NHEJ1: variants seen among roughly 807,000 people sequenced by gnomAD.
NHEJ1 encodes the protein non-homologous end-joining factor 1.
In NHEJ1, 22 loss-of-function variants were observed where a neutral mutation model predicts 39.4. That is an observed-to-expected ratio of 0.56 (90% confidence interval 0.40 to 0.80). The LOEUF (loss-of-function observed/expected upper bound fraction) is 0.80. Among genes scored for constraint, NHEJ1 ranks in the 30% least tolerant of loss-of-function variants. The probability of loss-of-function intolerance (pLI) is 0.00; values close to 1 mark genes in which losing one functional copy is unlikely to be tolerated. For synonymous variants in NHEJ1, 154 were observed against 135.6 expected (o/e 1.14, Z -0.94); for missense variants, 329 against 357.1 (o/e 0.92, Z 0.63).
rs557843478 is a variant in NHEJ1 at position 219,105,187 on chromosome 2, C to A, written c.589-26981G>T. On this transcript the variant is annotated intron_variant, in intron 5 of 7. Transcript: ENST00000356853. ...TATATTATAAAATAAAAATAACACACCTCATAATCTTCCAGTAACATAGGG... is the reference window on the plus strand; with the variant it reads ...TATATTATAAAATAAAAATAACACAACTCATAATCTTCCAGTAACATAGGG... Among the ~76,000 whole-genome samples the A allele has an allele frequency of 2.6e-4, 40 of 152,230 alleles. 1 individual carries two copies. The highest frequency in any genetic ancestry group is 8.9e-4 in the African/African-American group (37 of 41,524).
At chr2:219,102,171 A>G (rs1478027921) in intron 5 of NHEJ1, among the ~76,000 whole-genome samples, 2 of 152,198 alleles carry the variant, frequency 1.3e-5, no homozygotes, top group Non-Finnish European at 2.9e-5. Context: ...TAATAATTTT[A>G]TAGAGTACAT....
intron 3 of NHEJ1, among the ~76,000 whole-genome samples, chr2:219,152,076 T>C (rs1257297211): frequency 6.6e-6 from 1 of 152,148 alleles, no homozygotes; most frequent in Non-Finnish European, 1.5e-5. Flanking sequence ...CTCCCCGTAA[T>C]TTATAGACAG....
intron 5 of NHEJ1, among the ~76,000 whole-genome samples, chr2:219,084,163 C>G (rs547940748): frequency 3.9e-5 from 6 of 152,108 alleles, no homozygotes; most frequent in African/African-American, 1.4e-4. Flanking sequence ...CCTGCCACCA[C>G]GCCTGGCTAA....
At chr2:219,113,451 T>C (rs917796148) in intron 5 of NHEJ1, among the ~76,000 whole-genome samples, 1 of 152,190 alleles carries the variant, frequency 6.6e-6, no homozygotes, top group Non-Finnish European at 1.5e-5. Flanking sequence ...AATATATATA[T>C]GTATTTTTTG....
intron 5 of NHEJ1, among the ~76,000 whole-genome samples, chr2:219,121,490 T>G (rs950764718): frequency 2.0e-5 from 3 of 152,190 alleles, no homozygotes; most frequent in Non-Finnish European, 4.4e-5. Context: ...TTTATTATTG[T>G]TCTGATTTTT....
At chr2:219,081,383 G>A (rs116466060) in intron 5 of NHEJ1, among the ~76,000 whole-genome samples, 2,131 of 152,288 alleles carry the variant, frequency 0.014, 59 homozygotes, top group South Asian at 0.09. Context: ...CCTGCTATAA[G>A]TGCGACTGAG....
intron 5 of NHEJ1, among the ~76,000 whole-genome samples, chr2:219,103,849 T>C (rs978727380): frequency 4.6e-5 from 7 of 152,200 alleles, no homozygotes; most frequent in African/African-American, 1.7e-4. Flanking sequence ...CACCAGACTC[T>C]GGAGTCCCCA....
At chr2:219,082,447 G>A (rs1394930588) in intron 5 of NHEJ1, among the ~76,000 whole-genome samples, 1 of 152,214 alleles carries the variant, frequency 6.6e-6, no homozygotes, top group East Asian at 1.9e-4. Flanking sequence ...ATTTGCTGGA[G>A]AGCTTCCAAT....
Position 219,074,116 on chromosome 2 carries a change from C to T in NHEJ1, c.*2265G>A, listed in dbSNP as rs1427357764. 6.6e-6 allele frequency among the ~76,000 whole-genome samples: 1 copy of T among 152,232 alleles called. No homozygotes were observed. Among genetic ancestry groups the T allele is most frequent in the Non-Finnish European group, 1.5e-5 (1 of 68,036 alleles). On this transcript the variant is annotated 3_prime_UTR_variant, in exon 8 of 8. Transcript: ENST00000356853. ...ATGTTTCTCTAACAACGTATTTAAG[C>T]AATACCCCAATGGAGACAGCAACCT... is the stretch of plus-strand genomic sequence containing the variant.
At chr2:219,143,079 T>C (rs1949706604) in intron 5 of NHEJ1, among the ~76,000 whole-genome samples, 1 of 152,166 alleles carries the variant, frequency 6.6e-6, no homozygotes, top group Admixed American at 6.5e-5. Context: ...ATAATCCCAA[T>C]GAGAATTTTA....
At chr2:219,122,450 G>C (rs1416435370) in intron 5 of NHEJ1, among the ~76,000 whole-genome samples, 2 of 152,168 alleles carry the variant, frequency 1.3e-5, no homozygotes, top group African/African-American at 4.8e-5. Context: ...CCTTGGCACA[G>C]TAAGTACTTA....
chr2:219,078,292 C>A (rs751843845), intron 5 of NHEJ1, 86 bp from the exon 6 acceptor site: 31 of 1,133,610 alleles, frequency 2.7e-5, no homozygotes, highest in Admixed American at 1.0e-4. Context: ...CCGGCATCAA[C>A]CCCAAATGAA....
rs777990702 is a variant in NHEJ1, at chr2:219,076,284, A to G, written c.*97T>C. On this transcript the variant is annotated 3_prime_UTR_variant, in exon 8 of 8. Transcript: ENST00000356853. Reference sequence around the variant, plus strand: ...CTTACAGGAGGCCTCTGACTGTATCACTATTTTAGAAATATTGCTGCCATG... The same window carrying G: ...CTTACAGGAGGCCTCTGACTGTATCGCTATTTTAGAAATATTGCTGCCATG... The G allele has an allele frequency of 6.2e-7, 1 of 1,607,996 alleles. No homozygotes were observed. Among genetic ancestry groups the G allele is most frequent in the South Asian group, 1.1e-5 (1 of 90,036 alleles).
intron 5 of NHEJ1, among the ~76,000 whole-genome samples, chr2:219,099,939 A>G (rs1353274883): frequency 6.6e-6 from 1 of 152,236 alleles, no homozygotes; most frequent in Non-Finnish European, 1.5e-5. Context: ...AAAAGAGGAC[A>G]GAATGGGGAA....
At chr2:219,081,639 T>C (rs73991018) in intron 5 of NHEJ1, among the ~76,000 whole-genome samples, 4,799 of 152,298 alleles carry the variant, frequency 0.032, 267 homozygotes, top group African/African-American at 0.11. Context: ...AACTCAGAGT[T>C]CCTACTTCAA....
At chr2:219,108,773 C>CT (rs1949336527) in intron 5 of NHEJ1, among the ~76,000 whole-genome samples, 2 of 151,706 alleles carry the variant, frequency 1.3e-5, no homozygotes, top group Non-Finnish European at 1.5e-5. Context: ...GGCAATGACC[C>CT]TTTTTTGGCA....
At chr2:219,096,705 T>A (rs760351000) in intron 5 of NHEJ1, among the ~76,000 whole-genome samples, 2 of 152,068 alleles carry the variant, frequency 1.3e-5, no homozygotes, top group Non-Finnish European at 2.9e-5. Flanking sequence ...GGCACAAGTG[T>A]TGGGAGCAGA....
chr2:219,157,972 T>TTCTC (rs1164655700), intron 2 of NHEJ1, among the ~76,000 whole-genome samples: 213 of 131,932 alleles, frequency 1.6e-3, no homozygotes, highest in South Asian at 3.6e-3. Context: ...CTAACTTTCT[T>TTCTC]TCTCTCTCTC....
At chr2:219,108,193 T>G (rs1949331267) in intron 5 of NHEJ1, among the ~76,000 whole-genome samples, 1 of 152,152 alleles carries the variant, frequency 6.6e-6, no homozygotes, top group Admixed American at 6.5e-5. Context: ...TCCAAGACCC[T>G]GTATTATATG....
Sources: allele counts gnomAD v4.1 joint callset (sites outside exome capture counted in the v4.1 genomes callset), GRCh38; gene constraint gnomAD v4.1.1; transcripts MANE v1.5; gene names NCBI Gene and HGNC (gene_info 2026-07-23, HGNC 2026-07-21).